DHRS7B: variants seen among roughly 807,000 people sequenced by gnomAD.
DHRS7B encodes dehydrogenase/reductase 7B.
In DHRS7B, 24 loss-of-function variants were observed where a neutral mutation model predicts 26.4. That is an observed-to-expected ratio of 0.91 (90% CI 0.66 to 1.28). DHRS7B has a LOEUF of 1.28. Ranked by LOEUF, DHRS7B falls within the 50% of genes most tolerant of loss-of-function variation. DHRS7B has a pLI of 0.00. For synonymous variants in DHRS7B, 142 were observed against 166.4 expected, an observed-to-expected ratio of 0.85 and a Z score of 1.13; for missense variants, 368 against 419.4, an observed-to-expected ratio of 0.88 and a Z score of 1.07.
At chr17:21,171,048 C>T (rs187967173) in intron 1 of DHRS7B, among the ~76,000 whole-genome samples, 17 of 151,560 alleles carry the variant, frequency 1.1e-4, no homozygotes, top group Non-Finnish European at 1.9e-4. Context: ...GAGGTGGACT[C>T]GGGGGGGGCC....
At chr17:21,179,112 A>AT (rs915500001) in intron 3 of DHRS7B, among the ~76,000 whole-genome samples, 405 of 149,558 alleles carry the variant, frequency 2.7e-3, no homozygotes, top group African/African-American at 9.0e-3. Context: ...ACCCAGCTAA[A>AT]TTTTTTTTTT....
Position 21,190,859 on chromosome 17 carries a change from G to A in DHRS7B, c.773-89G>A. On this transcript the variant is annotated intron_variant, in intron 6 of 6. Transcript: ENST00000395511. Reference sequence around the variant, plus strand: ...GAGCTTCATGGTGGGAAAGGCAGCAGGCTGACCTGACGACTCACATCAGCT... The same window carrying A: ...GAGCTTCATGGTGGGAAAGGCAGCAAGCTGACCTGACGACTCACATCAGCT... 2.2e-6 allele frequency: 3 copies of A among 1,378,562 alleles called. No homozygotes were observed. In the African/African-American group the frequency reaches 4.3e-5, roughly 20 times the overall value. The allele number at this position is 1,378,562 out of a possible 1,614,324, so 85.4% of individuals were successfully genotyped here.
intron 2 of DHRS7B, among the ~76,000 whole-genome samples, chr17:21,176,874 G>A (rs991611225): frequency 6.6e-6 from 1 of 152,132 alleles, no homozygotes; most frequent in Admixed American, 6.5e-5. Context: ...TGGCTGCTGG[G>A]CTGTCCTGCT....
chr17:21,140,224 A>G (rs539179422), intron 1 of DHRS7B, among the ~76,000 whole-genome samples: 19 of 151,806 alleles, frequency 1.3e-4, no homozygotes, highest in Non-Finnish European at 2.2e-4. Flanking sequence ...GGGTTTCACC[A>G]TGTTAGCCAG....
rs188922852 is a variant in DHRS7B at position 21,148,700 on chromosome 17, C to T, written c.20+21709C>T. ...GGCGGAGGTTGCAGTGAGCCAAGAT[C>T]GTGCCACTGCACTCCAGCCTAGGCG... On this transcript the variant is annotated intron_variant, in intron 1 of 6. Transcript: ENST00000395511. Among the ~76,000 whole-genome samples the T allele has an allele frequency of 8.5e-5, 13 of 152,116 alleles. No homozygotes were observed. In the East Asian group the frequency reaches 1.9e-3, roughly 23 times the overall value.
At chr17:21,141,814 G>A (rs903812198) in intron 1 of DHRS7B, among the ~76,000 whole-genome samples, 10 of 152,040 alleles carry the variant, frequency 6.6e-5, no homozygotes, top group African/African-American at 1.4e-4. Context: ...GGGATTCTCT[G>A]GAAGGAGTGC....
At chr17:21,171,055 G>C (rs545127524) in intron 1 of DHRS7B, among the ~76,000 whole-genome samples, 8 of 152,036 alleles carry the variant, frequency 5.3e-5, no homozygotes, top group East Asian at 1.9e-4. Flanking sequence ...ACTCGGGGGG[G>C]GCCTTTTGTC....
intron 1 of DHRS7B, among the ~76,000 whole-genome samples, chr17:21,168,420 G>A (rs1220563464): frequency 6.6e-6 from 1 of 152,138 alleles, no homozygotes; most frequent in African/African-American, 2.4e-5. Context: ...CCAGGCTGGA[G>A]TGCAGTGGTG....
At chr17:21,164,179 C>T (rs1275662399) in intron 1 of DHRS7B, among the ~76,000 whole-genome samples, 1 of 151,248 alleles carries the variant, frequency 6.6e-6, no homozygotes, top group Non-Finnish European at 1.5e-5. Context: ...CAGGTGCATG[C>T]CACCACACCT....
chr17:21,168,003 G>A (rs1023479925), intron 1 of DHRS7B, among the ~76,000 whole-genome samples: 3 of 152,212 alleles, frequency 2.0e-5, no homozygotes, highest in Non-Finnish European at 4.4e-5. Flanking sequence ...CCACTGTGAA[G>A]CTGTCCTTTT....
rs1472575082 is a variant in DHRS7B at position 21,165,561 on chromosome 17, A to G, written c.21-6457A>G. Reference sequence around the variant, plus strand: ...TGGTCCCAAACTTGTGAGCTCAAGCAGTCCACCCATCCTGGCCTCCCAAAA... The same window carrying G: ...TGGTCCCAAACTTGTGAGCTCAAGCGGTCCACCCATCCTGGCCTCCCAAAA... On this transcript the variant is annotated intron_variant, in intron 1 of 6. Coordinates refer to ENST00000395511, the MANE Select transcript of DHRS7B (RefSeq NM_015510.5). Among the ~76,000 whole-genome samples, 3 of 152,210 alleles carry G rather than the reference A, an allele frequency of 2.0e-5. No individual in the cohort carries two copies. The East Asian group carries it at 5.8e-4, about 30-fold the overall frequency.
At chr17:21,157,093 AG>A (rs1973898959) in intron 1 of DHRS7B, among the ~76,000 whole-genome samples, 1 of 152,172 alleles carries the variant, frequency 6.6e-6, no homozygotes, top group Non-Finnish European at 1.5e-5. Context: ...CCCAACAGAA[AG>A]CACCAAGCCC....
In DHRS7B at chr17:21,126,988, C is replaced by G. The variant is rs1483977718; in HGVS notation, c.17C>G (p.Thr6Ser). MVSPA[T>S]RKSLPKVKAM... ...TGATTGACTATGGTCTCTCCGGCTA[C>G]CAGGTAGGGGCTGGGGAAGAAGGAA... The change falls in exon 1 of 7, where the codon ACC becomes AGC. Residue 6 changes from threonine (T) to serine (S), a missense_variant. Thr to Ser is a moderately conservative substitution (Grantham distance 58). Coordinates refer to ENST00000395511, the MANE Select transcript of DHRS7B (RefSeq NM_015510.5). The G allele has an allele frequency of 2.6e-6, 4 of 1,531,566 alleles. No individual in the cohort carries two copies. Among genetic ancestry groups the G allele is most frequent in the Admixed American group, 2.1e-5 (1 of 47,130 alleles). The allele number at this position is 1,531,566 out of a possible 1,614,324, so 94.9% of individuals were successfully genotyped here. A position where few individuals can be genotyped will look rare whatever the true frequency, so the allele number is the denominator to read the frequency against.
chr17:21,169,016 G>A, intron 1 of DHRS7B: 1 of 721,172 alleles, frequency 1.4e-6, no homozygotes, highest in Non-Finnish European at 1.7e-6. Context: ...TGCTGGGCTG[G>A]TTTATTTTCA....
intron 1 of DHRS7B, among the ~76,000 whole-genome samples, chr17:21,159,551 G>A (rs560109231): frequency 2.6e-5 from 4 of 151,862 alleles, no homozygotes; most frequent in South Asian, 4.2e-4. Context: ...CACCGCACCC[G>A]GCCAATATTT....
chr17:21,187,862 T>G (rs892611607), intron 5 of DHRS7B, among the ~76,000 whole-genome samples: 3 of 139,866 alleles, frequency 2.1e-5, no homozygotes, highest in Non-Finnish European at 4.7e-5. Context: ...TATTTATTTA[T>G]TTTTGAGATG....
intron 1 of DHRS7B, among the ~76,000 whole-genome samples, chr17:21,142,431 G>A (rs1353960289): frequency 1.3e-5 from 2 of 152,060 alleles, no homozygotes; most frequent in South Asian, 2.1e-4. Context: ...CTTTAGTTTC[G>A]CTTCTCTTTC....
At chr17:21,140,111 G>A (rs1012919056) in intron 1 of DHRS7B, among the ~76,000 whole-genome samples, 2 of 139,056 alleles carry the variant, frequency 1.4e-5, no homozygotes, top group African/African-American at 2.7e-5. Context: ...TGCAAGCTCC[G>A]CCCCCTGGGT....
intron 1 of DHRS7B, among the ~76,000 whole-genome samples, chr17:21,132,791 G>C (rs1179135291): frequency 1.3e-5 from 2 of 152,152 alleles, no homozygotes; most frequent in Non-Finnish European, 2.9e-5. Flanking sequence ...GGCAGCTTTA[G>C]GCTAAACTTC....
Sources: allele counts gnomAD v4.1 joint callset (sites outside exome capture counted in the v4.1 genomes callset), GRCh38; gene constraint gnomAD v4.1.1; transcripts MANE v1.5; gene names NCBI Gene and HGNC (gene_info 2026-07-23, HGNC 2026-07-21).